The following GRID2 variants were observed in gnomAD, a reference collection of about 807,000 sequenced individuals.
The protein encoded by GRID2 is glutamate receptor ionotropic, delta-2.
GRID2 carries 33 observed loss-of-function variants against 114.8 expected under a neutral mutation model. The observed-to-expected ratio is 0.29, with a 90% confidence interval of 0.22 to 0.38. The LOEUF is 0.38. Among genes scored for constraint, GRID2 ranks in the 10% least tolerant of loss-of-function variants. The pLI, the probability that GRID2 is intolerant of heterozygous loss-of-function variation, is 1.00. For missense variants in GRID2, 1,184 were observed against 1,257.7 expected, an observed-to-expected ratio of 0.94 and a Z score of 0.89; for synonymous variants, 505 against 449.9, an observed-to-expected ratio of 1.12 and a Z score of -1.55.
intron 8 of GRID2, among the ~76,000 whole-genome samples, chr4:93,307,162 A>G (rs1209443029): frequency 6.6e-6 from 1 of 151,738 alleles, no homozygotes; most frequent in East Asian, 1.9e-4. Context: ...AGATAGCGCC[A>G]CTACACTCCA....
At chr4:92,311,444 A>G (rs151140669) in intron 1 of GRID2, among the ~76,000 whole-genome samples, 127 of 152,242 alleles carry the variant, frequency 8.3e-4, no homozygotes, top group African/African-American at 3.0e-3. Flanking sequence ...GAAGCTAAGC[A>G]CCAAAGGCCT....
chr4:92,885,087 G>T (rs1746282110), intron 2 of GRID2: 1 of 316,074 alleles, frequency 3.2e-6, no homozygotes, highest in East Asian at 9.3e-5. Context: ...TAAATTTATT[G>T]AAATAAAAAA....
intron 13 of GRID2, among the ~76,000 whole-genome samples, chr4:93,592,872 A>G (rs1158829217): frequency 6.6e-6 from 1 of 151,954 alleles, no homozygotes; most frequent in African/African-American, 2.4e-5. Context: ...AGAGACTAGG[A>G]TTGCAACCCC....
chr4:92,658,612 A>G (rs1047280748), intron 2 of GRID2, among the ~76,000 whole-genome samples: 2 of 151,636 alleles, frequency 1.3e-5, no homozygotes, highest in Non-Finnish European at 3.0e-5. Flanking sequence ...TTATCTGTAC[A>G]TTATACAAGC....
At chr4:93,001,662 A>T (rs1178960877) in intron 2 of GRID2, among the ~76,000 whole-genome samples, 2 of 151,746 alleles carry the variant, frequency 1.3e-5, no homozygotes, top group East Asian at 3.9e-4. Flanking sequence ...TATCCAAATG[A>T]ATGATGGTCA....
intron 1 of GRID2, among the ~76,000 whole-genome samples, chr4:92,472,539 C>A (rs1024946557): frequency 6.6e-6 from 1 of 152,112 alleles, no homozygotes; most frequent in Middle Eastern, 3.4e-3. Context: ...TTTTACTTTC[C>A]CACTGGTAAT....
At chr4:92,491,184 C>A (rs982811371) in intron 1 of GRID2, among the ~76,000 whole-genome samples, 1 of 151,978 alleles carries the variant, frequency 6.6e-6, no homozygotes, top group Non-Finnish European at 1.5e-5. Flanking sequence ...TAATAAATGG[C>A]TGGATAAGAA....
chr4:92,390,069 A>G (rs191007493), intron 1 of GRID2, among the ~76,000 whole-genome samples: 6 of 152,262 alleles, frequency 3.9e-5, no homozygotes, highest in Admixed American at 1.3e-4. Flanking sequence ...TCTAGCATCA[A>G]TTAAACAAAG....
intron 8 of GRID2, among the ~76,000 whole-genome samples, chr4:93,373,840 C>T (rs1368716): frequency 0.2 from 30,352 of 152,018 alleles, 4,658 homozygotes; most frequent in African/African-American, 0.43. Flanking sequence ...AAATGCCAGC[C>T]GGGAAAGGCT....
At chr4:93,618,951 A>G (rs1233476996) in intron 13 of GRID2, among the ~76,000 whole-genome samples, 1 of 152,252 alleles carries the variant, frequency 6.6e-6, no homozygotes, top group Non-Finnish European at 1.5e-5. Context: ...TTTAAAAAAT[A>G]TATTTAGTAT....
At chr4:93,030,343 C>T (rs750740596) in intron 2 of GRID2, among the ~76,000 whole-genome samples, 1 of 151,624 alleles carries the variant, frequency 6.6e-6, no homozygotes, top group Non-Finnish European at 1.5e-5. Context: ...CAGTGAGGAC[C>T]GTATGGTGAA....
At chr4:92,994,804 A>G (rs1209504691) in intron 2 of GRID2, among the ~76,000 whole-genome samples, 1 of 152,166 alleles carries the variant, frequency 6.6e-6, no homozygotes, top group Non-Finnish European at 1.5e-5. Context: ...GCATTTTGGT[A>G]TATTCCCTGG....
chr4:93,604,885 A>G (rs1740052183), intron 13 of GRID2, among the ~76,000 whole-genome samples: 1 of 152,212 alleles, frequency 6.6e-6, no homozygotes, highest in Non-Finnish European at 1.5e-5. Context: ...TGCACACTTA[A>G]TAGACTTCAA....
chr4:92,484,414 T>C (rs1025220618), intron 1 of GRID2, among the ~76,000 whole-genome samples: 3 of 152,124 alleles, frequency 2.0e-5, no homozygotes, highest in Admixed American at 2.0e-4. Context: ...TTATATACTG[T>C]ATGTAAGCAG....
chr4:92,450,968 C>G (rs1720895646), intron 1 of GRID2, among the ~76,000 whole-genome samples: 1 of 148,882 alleles, frequency 6.7e-6, no homozygotes, highest in South Asian at 2.1e-4. Context: ...TTATAGTGAC[C>G]ATACAAAACA....
chr4:92,629,988 G>T (rs990208452), intron 2 of GRID2, among the ~76,000 whole-genome samples: 39 of 150,136 alleles, frequency 2.6e-4, no homozygotes, highest in Admixed American at 2.1e-3. Context: ...ATGCTTATAG[G>T]AATCCATTTG....
At chr4:92,921,192 A>C (rs1239214279) in intron 2 of GRID2, among the ~76,000 whole-genome samples, 1 of 152,076 alleles carries the variant, frequency 6.6e-6, no homozygotes, top group Non-Finnish European at 1.5e-5. Context: ...CATGGTTTTC[A>C]GCTTCATCAG....
chr4:92,706,688 C>G (rs2149305928), intron 2 of GRID2, among the ~76,000 whole-genome samples: 1 of 152,248 alleles, frequency 6.6e-6, no homozygotes, highest in South Asian at 2.1e-4. Flanking sequence ...ATTCCTGTTT[C>G]AGAGCTCAAT....
chr4:93,508,290 G>A (rs1361415331), intron 12 of GRID2, among the ~76,000 whole-genome samples: 15 of 150,750 alleles, frequency 1.0e-4, no homozygotes, highest in African/African-American at 2.7e-4. Flanking sequence ...CTCTGCCTCC[G>A]GGTTCAAGCG....
Sources: gnomAD v4.1 joint callset for allele counts (sites outside exome capture counted in the v4.1 genomes callset) on GRCh38, gnomAD v4.1.1 for gene constraint, MANE v1.5 for transcripts, NCBI Gene and HGNC (gene_info 2026-07-23, HGNC 2026-07-21) for gene names.